Variants in NEMP2 observed in about 807,000 individuals in gnomAD.
The protein encoded by NEMP2 is UPF0571 transmembrane protein.
In NEMP2, 53 loss-of-function variants were observed where a neutral mutation model predicts 54.2. The observed-to-expected ratio is 0.98, with a 90% CI of 0.78 to 1.23. The LOEUF (loss-of-function observed/expected upper bound fraction) is 1.23, where lower values mean the gene tolerates loss of function less well. Among genes scored for constraint, NEMP2 ranks in the 50% most tolerant of loss-of-function variants. NEMP2 has a pLI of 0.00. For synonymous variants in NEMP2, 197 were observed against 190.3 expected (o/e 1.04, Z -0.29); for missense variants, 455 against 511.3 (o/e 0.89, Z 1.06).
At chr2:190,457,452 C>G in the NEMP2 span, among the ~76,000 whole-genome samples, 2 of 152,310 alleles carry the variant, frequency 1.3e-5, no homozygotes, top group Admixed American at 6.5e-5. The surrounding 1 kb of genome is among the most constrained non-coding windows in gnomAD (Gnocchi z 5.1). Flanking sequence ...TTTTTGCTGA[C>G]AAGTCAAAAA....
At chr2:190,538,574 T>A (rs1691449862), upstream of NEMP2, among the ~76,000 whole-genome samples, 2 of 152,284 alleles carry the variant, frequency 1.3e-5, no homozygotes, top group South Asian at 2.1e-4. The surrounding 1 kb of genome is among the most constrained non-coding windows in gnomAD (Gnocchi z 4.1). Context: ...TAATTTACAT[T>A]TCCACCAACA....
upstream of NEMP2, chr2:190,534,855 C>A (rs1364764217): frequency 1.5e-5 from 6 of 397,038 alleles, no homozygotes; most frequent in Admixed American, 2.7e-4. Flanking sequence ...CGGGGCACGG[C>A]GGGCCCAGGC....
chr2:190,615,244 G>A, the NEMP2 span, among the ~76,000 whole-genome samples: 10 of 152,178 alleles, frequency 6.6e-5, no homozygotes, highest in Admixed American at 3.3e-4. This position sits in a 1 kb window ranked among gnomAD's most constrained non-coding sequence, Gnocchi z 4.7. Flanking sequence ...GCTCCTGACC[G>A]AGAAGCTACA....
chr2:190,566,859 C>G, the NEMP2 span, among the ~76,000 whole-genome samples: 1 of 151,972 alleles, frequency 6.6e-6, no homozygotes, highest in African/African-American at 2.4e-5. Context: ...TTTTCCATAC[C>G]ATACAAAAGT....
At chr2:190,571,984 A>G in the NEMP2 span, among the ~76,000 whole-genome samples, 1 of 152,052 alleles carries the variant, frequency 6.6e-6, no homozygotes, top group African/African-American at 2.4e-5. Flanking sequence ...AGCCCTTCTC[A>G]GTTATGCTCC....
the NEMP2 span, among the ~76,000 whole-genome samples, chr2:190,615,502 C>T: frequency 6.6e-6 from 1 of 152,230 alleles, no homozygotes; most frequent in Non-Finnish European, 1.5e-5. The surrounding 1 kb of genome is among the most constrained non-coding windows in gnomAD (Gnocchi z 4.7). Context: ...CCTCCCTGCA[C>T]CTCCACATAT....
At chr2:190,424,613 C>T in the NEMP2 span, among the ~76,000 whole-genome samples, 11 of 152,226 alleles carry the variant, frequency 7.2e-5, no homozygotes, top group African/African-American at 2.6e-4. This position sits in a 1 kb window ranked among gnomAD's most constrained non-coding sequence, Gnocchi z 5.9. Context: ...GGATTACAGG[C>T]GTGAGCCACT....
At chr2:190,432,835 C>T in the NEMP2 span, among the ~76,000 whole-genome samples, 1 of 149,334 alleles carries the variant, frequency 6.7e-6, no homozygotes, top group African/African-American at 2.5e-5. Context: ...CCCCAACACA[C>T]ACACACTCTC....
At chr2:190,489,088 A>G in the NEMP2 span, among the ~76,000 whole-genome samples, 1 of 152,206 alleles carries the variant, frequency 6.6e-6, no homozygotes, top group Admixed American at 6.5e-5. The surrounding 1 kb of genome is among the most constrained non-coding windows in gnomAD (Gnocchi z 6.6). Context: ...GAGCCAAACA[A>G]ATGAATTAGC....
At chr2:190,460,726 G>A in the NEMP2 span, among the ~76,000 whole-genome samples, 1 of 152,232 alleles carries the variant, frequency 6.6e-6, no homozygotes, top group African/African-American at 2.4e-5. Flanking sequence ...ATGAGATGGA[G>A]CTGGGTGAGA....
At chr2:190,457,325 C>T in the NEMP2 span, among the ~76,000 whole-genome samples, 2 of 152,280 alleles carry the variant, frequency 1.3e-5, no homozygotes, top group East Asian at 3.9e-4. The surrounding 1 kb of genome is among the most constrained non-coding windows in gnomAD (Gnocchi z 5.1). Context: ...CCTTTCAGTT[C>T]TGACTCTAAT....
In NEMP2 at chr2:190,514,171, C is replaced by T. The variant is rs1054212821; in HGVS notation, c.953+282G>A. On this transcript the variant is annotated intron_variant, in intron 7 of 8. Coordinates refer to ENST00000409150, the MANE Select transcript of NEMP2 (RefSeq NM_001142645.2). This position sits in a 1 kb window ranked among gnomAD's most constrained non-coding sequence, Gnocchi z 5.7. The stretch of plus-strand genomic sequence containing the variant: ...GAATAAAAGAAGATATTTTAGGTAA[C>T]CCAGAGTCCAAGTACTTCTGCCATT... 6.6e-6 allele frequency among the ~76,000 whole-genome samples: 1 copy of T among 152,172 alleles called. No homozygotes were observed. Among genetic ancestry groups the T allele is most frequent in the African/African-American group, 2.4e-5 (1 of 41,448 alleles).
chr2:190,471,442 T>C, the NEMP2 span, among the ~76,000 whole-genome samples: 1 of 152,212 alleles, frequency 6.6e-6, no homozygotes, highest in Non-Finnish European at 1.5e-5. This position sits in a 1 kb window ranked among gnomAD's most constrained non-coding sequence, Gnocchi z 4.7. Context: ...TAGGAGATTA[T>C]ATCCCGCACC....
At chr2:190,575,154 C>CG in the NEMP2 span, among the ~76,000 whole-genome samples, 2 of 151,876 alleles carry the variant, frequency 1.3e-5, no homozygotes, top group African/African-American at 4.8e-5. Context: ...CGTGCCCAGC[C>CG]GACTCTGTTT....
At chr2:190,475,165 T>C in the NEMP2 span, among the ~76,000 whole-genome samples, 1 of 152,180 alleles carries the variant, frequency 6.6e-6, no homozygotes, top group African/African-American at 2.4e-5. Context: ...AAGACAGGGA[T>C]GCCCTCTCTC....
chr2:190,498,725 G>A, the NEMP2 span, among the ~76,000 whole-genome samples: 1 of 152,180 alleles, frequency 6.6e-6, no homozygotes, highest in African/African-American at 2.4e-5. This position sits in a 1 kb window ranked among gnomAD's most constrained non-coding sequence, Gnocchi z 5.9. Flanking sequence ...CTAAACAGGA[G>A]AAAGGATGAT....
chr2:190,568,030 CAG>C, the NEMP2 span: 1 of 152,152 alleles, frequency 6.6e-6, no homozygotes, highest in Non-Finnish European at 1.5e-5. This position sits in a 1 kb window ranked among gnomAD's most constrained non-coding sequence, Gnocchi z 4.7. Context: ...TAATTTCAAA[CAG>C]AGGAATTCAG....
the NEMP2 span, among the ~76,000 whole-genome samples, chr2:190,615,836 T>C: frequency 2.8e-3 from 426 of 152,230 alleles, 2 homozygotes; most frequent in African/African-American, 9.7e-3. This position sits in a 1 kb window ranked among gnomAD's most constrained non-coding sequence, Gnocchi z 4.7. Context: ...AGACCAAATA[T>C]ATCTATTTCT....
At chr2:190,599,151 A>C in the NEMP2 span, among the ~76,000 whole-genome samples, 813 of 152,342 alleles carry the variant, frequency 5.3e-3, 10 homozygotes, top group African/African-American at 0.019. Context: ...AAGGTTAACT[A>C]CTGCAAAAGT....
Sources: allele counts gnomAD v4.1 joint callset (sites outside exome capture counted in the v4.1 genomes callset), GRCh38; gene constraint gnomAD v4.1.1; non-coding constraint Gnocchi (gnomAD v3.1); transcripts MANE v1.5; gene names NCBI Gene and HGNC (gene_info 2026-07-23, HGNC 2026-07-21).